The following QSER1 variants were observed in gnomAD, a reference collection of about 807,000 sequenced individuals.
The protein encoded by QSER1 is glutamine and serine rich 1, also known as glutamine and serine-rich protein 1.
In QSER1, 49 loss-of-function variants were observed where a neutral mutation model predicts 158.5. The ratio of observed to expected loss-of-function variants is 0.31; its 90% CI spans 0.25 to 0.39. The LOEUF (loss-of-function observed/expected upper bound fraction) is 0.39. Among genes scored for constraint, QSER1 ranks in the 10% least tolerant of loss-of-function variants. QSER1 has a pLI of 1.00. For synonymous variants in QSER1, 650 were observed against 715.5 expected (o/e 0.91, Z 1.46); for missense variants, 1,754 against 2,010.3 (o/e 0.87, Z 2.44).
At chr11:32,936,044 T>A (rs79709055) in intron 4 of QSER1, among the ~76,000 whole-genome samples, 11 of 148,098 alleles carry the variant, frequency 7.4e-5, no homozygotes, top group African/African-American at 2.7e-4. Flanking sequence ...TTAGAGGAAA[T>A]TTTTTTTTTT....
In QSER1 at chr11:32,929,301, G is replaced by A. The variant is rs370250660; in HGVS notation, c.484+1178G>A. Among the ~76,000 whole-genome samples the A allele has an allele frequency of 7.2e-5, 11 of 151,992 alleles. No homozygotes were observed. In the East Asian group the frequency reaches 7.7e-4, roughly 11 times the overall value. ...TAATTTTTACATTTTTAGTAGAGAC[G>A]GGGTTTCACCACATTGGCCAGGCTG... On this transcript the variant is annotated intron_variant, in intron 3 of 12. Transcript: ENST00000650167.
Position 32,975,233 on chromosome 11 carries a change from T to G in QSER1, c.5359-15T>G, listed in dbSNP as rs980148882. The G allele has an allele frequency of 6.6e-7, 1 of 1,509,012 alleles. No homozygotes were observed. The highest frequency in any genetic ancestry group is 8.9e-7 in the Non-Finnish European group (1 of 1,124,356). 93.5% of individuals were successfully genotyped at this position (1,509,012 alleles called of 1,614,324 possible). A position where few individuals can be genotyped will look rare whatever the true frequency, so the allele number is the denominator to read the frequency against. ...ACTCCATGAAATGTATCTATAAACT[T>G]TTTTCTTTTTATAGGAGTTTGCTGT... On this transcript the variant is annotated splice_polypyrimidine_tract_variant and intron_variant, in intron 11 of 12. Transcript: ENST00000650167.
intron 1 of QSER1, among the ~76,000 whole-genome samples, chr11:32,918,233 T>G (rs1851859966): frequency 6.6e-6 from 1 of 152,108 alleles, no homozygotes; most frequent in South Asian, 2.1e-4. Context: ...GATGTACCAG[T>G]GAATAAAGCA....
intron 4 of QSER1, among the ~76,000 whole-genome samples, chr11:32,944,658 A>T (rs1303604001): frequency 1.4e-5 from 2 of 138,990 alleles, no homozygotes; most frequent in African/African-American, 2.7e-5. Flanking sequence ...ACTTCCAAGT[A>T]TGTGGTCAAT....
At chr11:32,940,430 C>T (rs1852212713) in intron 4 of QSER1, among the ~76,000 whole-genome samples, 1 of 152,096 alleles carries the variant, frequency 6.6e-6, no homozygotes. Context: ...GAGATTTTTA[C>T]ACTTAGATTC....
At position 32,973,411 on chromosome 11, in the gene QSER1, T is replaced by C; in HGVS notation, c.5220T>C (p.Ser1740=). The C allele has an allele frequency of 6.2e-7, 1 of 1,613,376 alleles. No individual in the cohort carries two copies. Among genetic ancestry groups the C allele is most frequent in the South Asian group, 1.1e-5 (1 of 90,822 alleles). ...LDQSFKNALE[S]FPELTIITRD... ...TTGTTTTCCAGAATGCTTTGGAAAG[T>C]TTTCCTGAACTAACAATAATTACTC... The change falls in exon 11 of 13, where the codon AGT becomes AGC. Residue 1740 remains serine (S), a synonymous_variant. Transcript: ENST00000650167.
intron 6 of QSER1, 71 bp downstream of exon 6, chr11:32,955,483 AG>A: frequency 2.8e-6 from 2 of 725,648 alleles, no homozygotes; most frequent in Non-Finnish European, 4.6e-6. Context: ...ATTTAAATAT[AG>A]AAGTATTTTA....
chr11:32,976,401 A>G lies in QSER1; in HGVS notation c.5522A>G (p.Asn1841Ser). The G allele has an allele frequency of 6.2e-7, 1 of 1,610,296 alleles. No individual in the cohort carries two copies. Among genetic ancestry groups the G allele is most frequent in the Non-Finnish European group, 8.5e-7 (1 of 1,178,884 alleles). ...GAAATTGTTCAACTTTGTATGAAAAATGTAAAATGGGTGGAGGACCTCTTT... is the reference window on the plus strand; with the variant it reads ...GAAATTGTTCAACTTTGTATGAAAAGTGTAAAATGGGTGGAGGACCTCTTT... ...QEEIVQLCMK[N>S]VKWVEDLFEK... The change falls in exon 13 of 13, where the codon AAT (asparagine) becomes AGT (serine). Residue 1841 changes from asparagine to serine, a missense_variant. This residue lies in a region of QSER1 where 47 missense variants were observed against 90.7 expected (regional missense o/e 0.52). Coordinates refer to ENST00000650167, the MANE Select transcript of QSER1 (RefSeq NM_001076786.3).
rs1413592893 is a variant in QSER1, at chr11:32,978,694, T to A, written c.*2220T>A. 1 of 152,084 alleles carries A rather than the reference T, an allele frequency of 6.6e-6. No individual in the cohort carries two copies. Among genetic ancestry groups the A allele is most frequent in the African/African-American group, 2.4e-5 (1 of 41,412 alleles). 9.4% of individuals were successfully genotyped at this position (152,084 alleles called of 1,614,324 possible). A position where few individuals can be genotyped will look rare whatever the true frequency, so the allele number is the denominator to read the frequency against. On this transcript the variant is annotated 3_prime_UTR_variant, in exon 13 of 13. Coordinates refer to ENST00000650167, the MANE Select transcript of QSER1 (RefSeq NM_001076786.3). The stretch of plus-strand genomic sequence containing the variant: ...TGTATTCATTTTAGTACAACAAAGG[T>A]TTTCATAATATGGGAGGCCAAGTCT...
At chr11:32,965,137 G>T (rs1852715227) in intron 8 of QSER1, among the ~76,000 whole-genome samples, 2 of 151,882 alleles carry the variant, frequency 1.3e-5, no homozygotes, top group Admixed American at 1.3e-4. Flanking sequence ...ATGAGACAGG[G>T]TCTTTACTCT....
intron 4 of QSER1, among the ~76,000 whole-genome samples, chr11:32,945,166 C>G: frequency 1.5e-5 from 2 of 137,212 alleles, no homozygotes; most frequent in South Asian, 2.8e-4. Flanking sequence ...ATACAGCACA[C>G]TGATGGGTCT....
At position 32,976,639 on chromosome 11, in the gene QSER1, A is replaced by G; in HGVS notation, c.*165A>G. 1 of 688,628 alleles carries G rather than the reference A, an allele frequency of 1.5e-6. No homozygotes were observed. The highest frequency in any genetic ancestry group is 1.9e-5 in the South Asian group (1 of 52,462). 42.7% of individuals were successfully genotyped at this position (688,628 alleles called of 1,614,324 possible). ...AAGGACAGTGGTGCGGCCTTTAGGA[A>G]CGAAGTTAGTCCTCTGGAAATGGAC... is the stretch of plus-strand genomic sequence containing the variant. On this transcript the variant is annotated 3_prime_UTR_variant, in exon 13 of 13. Transcript: ENST00000650167.
intron 1 of QSER1, among the ~76,000 whole-genome samples, chr11:32,907,596 G>C (rs187994885): frequency 2.4e-4 from 37 of 152,240 alleles, no homozygotes; most frequent in Non-Finnish European, 5.3e-4. Context: ...TTGAATCATG[G>C]AAATATGAAC....
intron 10 of QSER1, among the ~76,000 whole-genome samples, chr11:32,972,077 A>C (rs1179731568): frequency 1.3e-5 from 2 of 150,076 alleles, no homozygotes; most frequent in Non-Finnish European, 3.0e-5. Flanking sequence ...AAAAAAAAAA[A>C]CAAAACAGTA....
intron 4 of QSER1, among the ~76,000 whole-genome samples, chr11:32,943,218 C>G (rs918440004): frequency 3.3e-5 from 5 of 151,932 alleles, no homozygotes; most frequent in African/African-American, 1.2e-4. Flanking sequence ...AATTCAATAC[C>G]CTTTATTTCC....
In QSER1 at chr11:32,934,466, ACT is replaced by A; in HGVS notation, c.3211_3212del (p.Leu1071Ter). 1 of 1,613,710 alleles carries A rather than the reference ACT, an allele frequency of 6.2e-7. No homozygotes were observed. Among genetic ancestry groups the A allele is most frequent in the Non-Finnish European group, 8.5e-7 (1 of 1,179,980 alleles). On this transcript the variant is annotated frameshift_variant, in exon 4 of 13. Coordinates refer to ENST00000650167, the MANE Select transcript of QSER1 (RefSeq NM_001076786.3). LOFTEE classifies it high-confidence loss of function. ...AGTACCTGCCCTTCAGTCAAAAATG[ACT>A]CTTGATCAACAGCACATTGAAACAC... ...SPVPALQSKM[T>X]LDQQHIETPG...
Position 32,933,699 on chromosome 11 carries a change from A to T in QSER1, c.2441A>T (p.Lys814Met), listed in dbSNP as rs1042839074. Residue 814 changes from lysine to methionine, a missense_variant, in exon 4 of 13, where the codon AAG (lysine) becomes ATG (methionine). Coordinates refer to ENST00000650167, the MANE Select transcript of QSER1 (RefSeq NM_001076786.3). Reference protein sequence around the residue: ...DLKQQHPLILKVHESKVQEQH... With the variant: ...DLKQQHPLILMVHESKVQEQH... Reference sequence around the variant, plus strand: ...AAGCAGCAACATCCTCTCATACTTAAGGTGCATGAGTCCAAGGTCCAGGAA... The same window carrying T: ...AAGCAGCAACATCCTCTCATACTTATGGTGCATGAGTCCAAGGTCCAGGAA... 3 of 1,613,902 alleles carry T rather than the reference A, an allele frequency of 1.9e-6. No individual in the cohort carries two copies. The highest frequency in any genetic ancestry group is 2.5e-6 in the Non-Finnish European group (3 of 1,179,912).
intron 1 of QSER1, among the ~76,000 whole-genome samples, chr11:32,912,473 C>A (rs1412694701): frequency 6.6e-6 from 1 of 152,084 alleles, no homozygotes; most frequent in African/African-American, 2.4e-5. Context: ...GATAATGATT[C>A]TTTTGAACTT....
intron 9 of QSER1, among the ~76,000 whole-genome samples, chr11:32,967,122 A>G (rs1013328263): frequency 1.3e-5 from 2 of 152,170 alleles, no homozygotes; most frequent in Admixed American, 1.3e-4. Flanking sequence ...GTGAATAAAG[A>G]AAATATAGTG....
Sources: allele counts gnomAD v4.1 joint callset (sites outside exome capture counted in the v4.1 genomes callset), GRCh38; gene constraint gnomAD v4.1.1; regional missense constraint gnomAD v4.1.1; transcripts MANE v1.5; gene names NCBI Gene and HGNC (gene_info 2026-07-23, HGNC 2026-07-21).